PLEKHA7: variants seen among roughly 807,000 people sequenced by gnomAD.
The protein encoded by PLEKHA7 is pleckstrin homology domain-containing family A member 7.
A neutral mutation model predicts 170.0 loss-of-function variants in PLEKHA7; 104 were observed. The ratio of observed to expected loss-of-function variants is 0.61; its 90% CI spans 0.52 to 0.72. The LOEUF is 0.72. Ranked by LOEUF, PLEKHA7 falls within the 30% of genes least tolerant of loss-of-function variation. The pLI is 0.00. For synonymous variants in PLEKHA7, 648 were observed against 660.8 expected, an observed-to-expected ratio of 0.98 and a Z score of 0.30; for missense variants, 1,615 against 1,671.7, an observed-to-expected ratio of 0.97 and a Z score of 0.59.
chr11:16,907,203 G>A (rs1184249957), intron 3 of PLEKHA7, among the ~76,000 whole-genome samples: 13 of 100,726 alleles, frequency 1.3e-4, no homozygotes, highest in African/African-American at 3.7e-4. Context: ...CCATCCGGGA[G>A]GGAGGTGGGG....
intron 4 of PLEKHA7, 50 bp from the exon 5 acceptor site, chr11:16,855,964 G>T: frequency 6.9e-7 from 1 of 1,441,244 alleles, no homozygotes; most frequent in Non-Finnish European, 9.8e-7. Context: ...CTATAGAGTA[G>T]GAAGTGCAGT....
chr11:16,835,234 G>A (rs1043063916), intron 9 of PLEKHA7, among the ~76,000 whole-genome samples: 34 of 152,268 alleles, frequency 2.2e-4, no homozygotes, highest in African/African-American at 6.7e-4. Flanking sequence ...TCATGCCACC[G>A]CACTCCAGCC....
intron 3 of PLEKHA7, among the ~76,000 whole-genome samples, chr11:16,900,985 T>A (rs754410362): frequency 6.6e-6 from 1 of 151,978 alleles, no homozygotes; most frequent in Non-Finnish European, 1.5e-5. Context: ...GCTGGGATTA[T>A]AGGCGCCCGC....
intron 9 of PLEKHA7, among the ~76,000 whole-genome samples, chr11:16,837,823 A>T (rs933286311): frequency 2.0e-5 from 3 of 152,192 alleles, no homozygotes; most frequent in African/African-American, 7.2e-5. Flanking sequence ...AAAAGGGAAC[A>T]AACCTGGTTA....
chr11:16,799,125 T>C (rs529893288), intron 17 of PLEKHA7, among the ~76,000 whole-genome samples: 1 of 152,368 alleles, frequency 6.6e-6, no homozygotes, highest in Admixed American at 6.5e-5. Flanking sequence ...GAATACATTT[T>C]GAATTTCAGT....
At chr11:16,797,764 A>AG (rs1564921829) in intron 17 of PLEKHA7, among the ~76,000 whole-genome samples, 1 of 152,172 alleles carries the variant, frequency 6.6e-6, no homozygotes, top group Non-Finnish European at 1.5e-5. Context: ...CTGAGTGTTG[A>AG]GAACAGGTAA....
chr11:16,931,240 G>A (rs1232091056), intron 3 of PLEKHA7, among the ~76,000 whole-genome samples: 1 of 152,114 alleles, frequency 6.6e-6, no homozygotes, highest in Non-Finnish European at 1.5e-5. Flanking sequence ...CGCACCACCA[G>A]AGAATTGAAT....
chr11:16,915,566 T>C (rs1004838958), intron 3 of PLEKHA7, among the ~76,000 whole-genome samples: 1 of 136,650 alleles, frequency 7.3e-6, no homozygotes, highest in East Asian at 2.2e-4. Context: ...CCTGTGTCCA[T>C]GTGCTCTCAT....
Position 16,790,780 on chromosome 11 carries a change from G to T in PLEKHA7, c.3052+18C>A. The T allele has an allele frequency of 6.2e-7, 1 of 1,604,348 alleles. No homozygotes were observed. Among genetic ancestry groups the T allele is most frequent in the East Asian group, 2.2e-5 (1 of 44,600 alleles). On this transcript the variant is annotated intron_variant, in intron 21 of 26. Transcript: ENST00000531066. ...TGGTGGGATTCCCAGAGAAACTCCAGGGAGGGCCCTGCCTTACCTCTGCCT... is the reference window on the plus strand; with the variant it reads ...TGGTGGGATTCCCAGAGAAACTCCATGGAGGGCCCTGCCTTACCTCTGCCT...
chr11:16,960,185 C>T (rs898571281), intron 3 of PLEKHA7, among the ~76,000 whole-genome samples: 2 of 152,174 alleles, frequency 1.3e-5, no homozygotes, highest in African/African-American at 4.8e-5. Flanking sequence ...GGACGCTGAC[C>T]CTGTTCCCTT....
At chr11:16,957,689 A>ATT (rs1565154427) in intron 3 of PLEKHA7, among the ~76,000 whole-genome samples, 3 of 118,226 alleles carry the variant, frequency 2.5e-5, no homozygotes, top group Non-Finnish European at 5.3e-5. Context: ...TACCTCAATA[A>ATT]TTTTTTTCTT....
chr11:16,992,084 A>C (rs895252987), intron 3 of PLEKHA7, among the ~76,000 whole-genome samples: 5 of 148,254 alleles, frequency 3.4e-5, no homozygotes, highest in Non-Finnish European at 6.0e-5. Context: ...GACCCCCCCC[A>C]GCCTGGGCAT....
At chr11:16,846,595 A>G (rs904438970) in intron 8 of PLEKHA7, among the ~76,000 whole-genome samples, 5 of 152,232 alleles carry the variant, frequency 3.3e-5, no homozygotes, top group South Asian at 2.1e-4. Context: ...CTTAGAGCAC[A>G]GCCTGGCATT....
chr11:16,793,958 C>T (rs550824123), intron 19 of PLEKHA7, among the ~76,000 whole-genome samples: 94 of 152,346 alleles, frequency 6.2e-4, no homozygotes, highest in Non-Finnish European at 1.2e-3. Flanking sequence ...TCTTAGTTTT[C>T]TTCTCTGTGG....
chr11:16,907,220 T>C (rs909744199), intron 3 of PLEKHA7, among the ~76,000 whole-genome samples: 1 of 69,490 alleles, frequency 1.4e-5, no homozygotes, highest in Non-Finnish European at 2.3e-5. Flanking sequence ...GGGGGGGTCA[T>C]CCCCCCACCT....
chr11:16,874,671 A>G (rs428840), intron 3 of PLEKHA7, among the ~76,000 whole-genome samples: 19,328 of 152,252 alleles, frequency 0.13, 1,309 homozygotes, highest in Admixed American at 0.17. Flanking sequence ...ACAAGGCATC[A>G]GAAGCACAGC....
At chr11:16,813,525 C>T (rs1013704652) in intron 12 of PLEKHA7, among the ~76,000 whole-genome samples, 1 of 152,086 alleles carries the variant, frequency 6.6e-6, no homozygotes, top group African/African-American at 2.4e-5. Flanking sequence ...TGAGCTAGAG[C>T]GCATCAGTCA....
At chr11:16,870,949 ATTC>A in intron 4 of PLEKHA7, 147 bp downstream of exon 4, 1 of 528,488 alleles carries the variant, frequency 1.9e-6, no homozygotes, top group Middle Eastern at 2.9e-4. Flanking sequence ...GAAAAATAAA[ATTC>A]TTCTCATATT....
intron 23 of PLEKHA7, 187 bp downstream of exon 23, chr11:16,788,909 G>A (rs913484901): frequency 7.1e-6 from 5 of 708,630 alleles, no homozygotes; most frequent in Non-Finnish European, 1.2e-5. Context: ...TCTGGTTCAG[G>A]TCACCCTCTG....
Sources: allele counts gnomAD v4.1 joint callset (sites outside exome capture counted in the v4.1 genomes callset), GRCh38; gene constraint gnomAD v4.1.1; transcripts MANE v1.5; gene names NCBI Gene and HGNC (gene_info 2026-07-23, HGNC 2026-07-21).